Variants in PDE8B observed in about 807,000 individuals in gnomAD.
The protein encoded by PDE8B is phosphodiesterase 8B.
A neutral mutation model predicts 101.3 loss-of-function variants in PDE8B; 26 were observed. The observed-to-expected ratio is 0.26, with a 90% CI of 0.19 to 0.36. The LOEUF (loss-of-function observed/expected upper bound fraction) is 0.36. PDE8B is among the 10% of genes least tolerant of loss of function. PDE8B has a pLI of 1.00. For missense variants in PDE8B, 810 were observed against 1,163.1 expected (o/e 0.70, Z 4.42); for synonymous variants, 424 against 429.3 (o/e 0.99, Z 0.15).
the PDE8B span, among the ~76,000 whole-genome samples, chr5:77,099,653 C>A: frequency 6.6e-6 from 1 of 151,742 alleles, no homozygotes; most frequent in Admixed American, 6.6e-5. Flanking sequence ...ACTCTGTCAC[C>A]CAGGCTGGAG....
intron 14 of PDE8B, among the ~76,000 whole-genome samples, chr5:77,409,885 C>A (rs1273237572): frequency 6.6e-6 from 1 of 152,270 alleles, no homozygotes; most frequent in South Asian, 2.1e-4. Context: ...CCACCTGGAA[C>A]TTGAGGGCCT....
intron 10 of PDE8B, among the ~76,000 whole-genome samples, chr5:77,392,366 A>T (rs1452323489): frequency 1.3e-5 from 2 of 152,170 alleles, no homozygotes; most frequent in Admixed American, 6.5e-5. Context: ...ATAAGAACTT[A>T]AGAACAGAAG....
At chr5:77,121,119 T>C in the PDE8B span, among the ~76,000 whole-genome samples, 1 of 152,244 alleles carries the variant, frequency 6.6e-6, no homozygotes, top group Non-Finnish European at 1.5e-5. Flanking sequence ...CCACAATTCC[T>C]GTGGGTCAGG....
intron 6 of PDE8B, among the ~76,000 whole-genome samples, chr5:77,339,754 C>A (rs1238828660): frequency 6.6e-6 from 1 of 152,132 alleles, no homozygotes; most frequent in Non-Finnish European, 1.5e-5. Context: ...TCTGCAAGGA[C>A]AGTCTGTACT....
intron 1 of PDE8B, chr5:77,291,224 A>G: frequency 6.2e-7 from 1 of 1,611,558 alleles, no homozygotes; most frequent in Non-Finnish European, 8.5e-7. Flanking sequence ...ATGAGGTTGT[A>G]AACAGACTTA....
At chr5:77,143,220 A>G in the PDE8B span, among the ~76,000 whole-genome samples, 22 of 152,302 alleles carry the variant, frequency 1.4e-4, no homozygotes, top group African/African-American at 4.8e-4. Context: ...TATTCTCAAC[A>G]TCGGAGAACT....
chr5:77,421,844 C>T lies in PDE8B; in HGVS notation c.2274C>T (p.Cys758=), dbSNP rs116781254. 6.4e-4 allele frequency: 1,033 copies of T among 1,614,104 alleles called. 1 individual carries two copies. The African/African-American group carries it at 0.012, about 18-fold the overall frequency. ...AAEIEGSDCE[C]NPAGKNFPEN... ...AGATTGAAGGCAGCGACTGTGAATG[C>T]AACCCTGCTGGGAAGAACTTCCCTG... The change falls in exon 20 of 22, where the codon TGC becomes TGT. Residue 758 remains cysteine (C), a synonymous_variant. Transcript: ENST00000264917.
At chr5:77,233,626 A>G (rs1283755510) in intron 1 of PDE8B, among the ~76,000 whole-genome samples, 1 of 149,040 alleles carries the variant, frequency 6.7e-6, no homozygotes, top group African/African-American at 2.5e-5. Context: ...GTTTCAGTCT[A>G]CCTGACAGCC....
In PDE8B at chr5:77,419,160, T is replaced by C. The variant is rs150272444; in HGVS notation, c.2130-607T>C. Among the ~76,000 whole-genome samples, 693 of 152,320 alleles carry C rather than the reference T, an allele frequency of 4.5e-3. 5 individuals are homozygous for C. The highest frequency in any genetic ancestry group is 0.016 in the African/African-American group (665 of 41,578). On this transcript the variant is annotated intron_variant, in intron 18 of 21. Coordinates refer to ENST00000264917, the MANE Select transcript of PDE8B (RefSeq NM_003719.5). The stretch of plus-strand genomic sequence containing the variant: ...TATCGAGGATGGGTTTTTAAACTTT[T>C]GCAGAAAAAATTCTTTCCAGTAGCC...
chr5:77,178,393 G>A, the PDE8B span, among the ~76,000 whole-genome samples: 101 of 152,182 alleles, frequency 6.6e-4, 1 homozygote, highest in African/African-American at 2.4e-3. Context: ...CTTTTGCCTT[G>A]CTTTACCTTC....
At chr5:77,157,609 C>T in the PDE8B span, among the ~76,000 whole-genome samples, 2 of 152,230 alleles carry the variant, frequency 1.3e-5, no homozygotes, top group Non-Finnish European at 2.9e-5. Flanking sequence ...AGGACACACT[C>T]TAGCTATTAT....
chr5:77,346,062 A>G (rs760825489), intron 7 of PDE8B, among the ~76,000 whole-genome samples: 29 of 152,246 alleles, frequency 1.9e-4, no homozygotes, highest in Non-Finnish European at 2.9e-4. Flanking sequence ...CTGAGTCCCA[A>G]CAAGGCCAAG....
At chr5:77,106,252 G>A in the PDE8B span, 9 of 152,108 alleles carry the variant, frequency 5.9e-5, no homozygotes, top group African/African-American at 2.2e-4. Flanking sequence ...CACTAAAGTT[G>A]CCAAGATTTT....
chr5:77,243,640 T>C lies in PDE8B; in HGVS notation c.339+32376T>C, dbSNP rs116820474. 5.5e-4 allele frequency among the ~76,000 whole-genome samples: 84 copies of C among 152,342 alleles called. 1 individual carries two copies. The highest frequency in any genetic ancestry group is 1.0e-3 in the South Asian group (5 of 4,830). The stretch of plus-strand genomic sequence containing the variant: ...GCCTGAGTTCTTTCAGTTAACATGC[T>C]TTCAAGGCTCATTCATGTTGTAGCA... On this transcript the variant is annotated intron_variant, in intron 1 of 21. Coordinates refer to ENST00000264917, the MANE Select transcript of PDE8B (RefSeq NM_003719.5).
rs112579475 is a variant in PDE8B, at chr5:77,311,926, G to A, written c.340-68G>A. On this transcript the variant is annotated intron_variant, in intron 1 of 21. Coordinates refer to ENST00000264917, the MANE Select transcript of PDE8B (RefSeq NM_003719.5). The stretch of plus-strand genomic sequence containing the variant: ...ACGGTGGCATAATGCAATGCGTTGC[G>A]TAAGGAAGGATGTATCCATTTGTGT... The A allele has an allele frequency of 2.4e-4, 293 of 1,241,838 alleles. 6 individuals are homozygous for A. In the Middle Eastern group the frequency reaches 8.0e-3, roughly 34 times the overall value. 76.9% of individuals were successfully genotyped at this position (1,241,838 alleles called of 1,614,324 possible).
At chr5:77,196,974 A>C in the PDE8B span, among the ~76,000 whole-genome samples, 2 of 151,970 alleles carry the variant, frequency 1.3e-5, no homozygotes, top group Admixed American at 6.6e-5. Flanking sequence ...TGTTGACATA[A>C]ATTTGTTTCT....
intron 6 of PDE8B, 60 bp from the exon 7 acceptor site, chr5:77,344,793 A>G (rs1779858862): frequency 9.3e-7 from 1 of 1,071,058 alleles, no homozygotes; most frequent in South Asian, 1.2e-5. Context: ...TGTTAAATTA[A>G]CAGATGAAAT....
chr5:77,275,550 T>G (rs1763690426), intron 1 of PDE8B, among the ~76,000 whole-genome samples: 1 of 152,214 alleles, frequency 6.6e-6, no homozygotes, highest in South Asian at 2.1e-4. Flanking sequence ...GTGGATCTGA[T>G]GCTTGGGAGA....
At chr5:77,221,373 A>G (rs1274890038) in intron 1 of PDE8B, among the ~76,000 whole-genome samples, 3 of 152,258 alleles carry the variant, frequency 2.0e-5, no homozygotes, top group Admixed American at 6.5e-5. Context: ...TTGCATTCCC[A>G]TGATGCATCT....
Sources: gnomAD v4.1 joint callset for allele counts (sites outside exome capture counted in the v4.1 genomes callset) on GRCh38, gnomAD v4.1.1 for gene constraint, MANE v1.5 for transcripts, NCBI Gene and HGNC (gene_info 2026-07-23, HGNC 2026-07-21) for gene names.